Variants in PRR5L observed in about 807,000 individuals in gnomAD.
PRR5L encodes the protein proline rich 5 like, also known as proline-rich protein 5-like.
Under a neutral mutation model 36.4 loss-of-function variants are expected in PRR5L, and 21 were observed. The observed-to-expected ratio is 0.58, with a 90% confidence interval of 0.41 to 0.83. PRR5L has a LOEUF of 0.83. Among genes scored for constraint, PRR5L ranks in the 40% least tolerant of loss-of-function variants. The pLI is 0.00. For synonymous variants in PRR5L, 188 were observed against 197.0 expected (o/e 0.95, Z 0.38); for missense variants, 381 against 473.3 (o/e 0.80, Z 1.81).
intron 1 of PRR5L, among the ~76,000 whole-genome samples, chr11:36,383,748 T>C (rs1472678006): frequency 2.8e-5 from 4 of 145,090 alleles, no homozygotes; most frequent in African/African-American, 7.7e-5. Context: ...CAGGCTGGAG[T>C]GCAATGGTGT....
chr11:36,356,322 A>G (rs1857027421), intron 1 of PRR5L, among the ~76,000 whole-genome samples: 1 of 152,284 alleles, frequency 6.6e-6, no homozygotes, highest in South Asian at 2.1e-4. Context: ...AGTAAAAGCC[A>G]TTTGATTTAG....
At chr11:36,351,429 ATTTATATATAC>A (rs1856949363) in intron 1 of PRR5L, among the ~76,000 whole-genome samples, 1 of 63,956 alleles carries the variant, frequency 1.6e-5, no homozygotes, top group South Asian at 5.6e-4. Flanking sequence ...ATATTTATAT[ATTTATATATAC>A]ATATATATTT....
At chr11:36,318,358 A>G (rs927990895) in intron 1 of PRR5L, among the ~76,000 whole-genome samples, 2 of 152,150 alleles carry the variant, frequency 1.3e-5, no homozygotes, top group African/African-American at 4.8e-5. Context: ...ATTTGGTACT[A>G]TTTACACCAT....
chr11:36,421,517 C>A lies in PRR5L; in HGVS notation c.294+2214C>A, dbSNP rs557879601. Among the ~76,000 whole-genome samples, 5 of 152,218 alleles carry A rather than the reference C, an allele frequency of 3.3e-5. No individual in the cohort carries two copies. The South Asian group carries it at 1.0e-3, about 32-fold the overall frequency. On this transcript the variant is annotated intron_variant, in intron 4 of 8. Transcript: ENST00000530639. ...TTAAGGTGCTGATCTGGAAAGAAGG[C>A]TCTCCTAGATACAGTTTTGTTTTTT...
chr11:36,457,810 G>T (rs2133635726), intron 8 of PRR5L, among the ~76,000 whole-genome samples: 1 of 152,244 alleles, frequency 6.6e-6, no homozygotes, highest in South Asian at 2.1e-4. Context: ...CTGCTAGACT[G>T]GTTGTAGGGT....
intron 1 of PRR5L, among the ~76,000 whole-genome samples, chr11:36,305,740 G>C (rs753116027): frequency 1.1e-4 from 16 of 152,160 alleles, no homozygotes; most frequent in Admixed American, 2.6e-4. Context: ...CTATAAACCA[G>C]AAAGTGGGCC....
chr11:36,415,746 T>TA (rs143153584), intron 3 of PRR5L, among the ~76,000 whole-genome samples: 2,636 of 152,196 alleles, frequency 0.017, 64 homozygotes, highest in African/African-American at 0.059. Flanking sequence ...TCTGTCTCAA[T>TA]AAAAAACAGT....
intron 5 of PRR5L, among the ~76,000 whole-genome samples, chr11:36,434,238 C>G (rs1858560336): frequency 6.6e-6 from 1 of 152,290 alleles, no homozygotes; most frequent in African/African-American, 2.4e-5. Flanking sequence ...GTGTTGGGGC[C>G]TGTTCTGTAC....
intron 8 of PRR5L, among the ~76,000 whole-genome samples, chr11:36,460,540 C>T (rs1564956534): frequency 6.6e-6 from 1 of 152,208 alleles, no homozygotes; most frequent in Non-Finnish European, 1.5e-5. Context: ...CTGTCATCAC[C>T]ACAACTCCAC....
intron 3 of PRR5L, among the ~76,000 whole-genome samples, chr11:36,418,812 T>G (rs1215983545): frequency 1.3e-5 from 2 of 151,952 alleles, no homozygotes; most frequent in Non-Finnish European, 2.9e-5. Context: ...ATAATAATAA[T>G]AAATAATTAC....
At chr11:36,397,724 C>T (rs552412558) in intron 1 of PRR5L, among the ~76,000 whole-genome samples, 26 of 151,356 alleles carry the variant, frequency 1.7e-4, no homozygotes, top group African/African-American at 2.7e-4. Flanking sequence ...GGATTACAGA[C>T]GTGAGTGACT....
chr11:36,358,374 C>CA (rs1355291057), intron 1 of PRR5L, among the ~76,000 whole-genome samples: 10 of 152,166 alleles, frequency 6.6e-5, no homozygotes, highest in African/African-American at 2.2e-4. Flanking sequence ...CCACCCTGAC[C>CA]AGTCAGTCAG....
chr11:36,399,622 A>G (rs1313579039), intron 1 of PRR5L, among the ~76,000 whole-genome samples: 1 of 152,224 alleles, frequency 6.6e-6, no homozygotes, highest in East Asian at 1.9e-4. Context: ...GGGACATAGC[A>G]GAGTTAGCTG....
At chr11:36,304,656 G>A (rs1039900159) in intron 1 of PRR5L, among the ~76,000 whole-genome samples, 6 of 152,134 alleles carry the variant, frequency 3.9e-5, no homozygotes, top group Non-Finnish European at 8.8e-5. Flanking sequence ...GTGTTGCAGC[G>A]AACTTCCTTC....
chr11:36,329,581 GT>G, intron 1 of PRR5L, among the ~76,000 whole-genome samples: 1 of 152,200 alleles, frequency 6.6e-6, no homozygotes, highest in African/African-American at 2.4e-5. Context: ...GATTACCCTT[GT>G]TTATAAATAA....
At chr11:36,346,603 G>A (rs2433192) in intron 1 of PRR5L, among the ~76,000 whole-genome samples, 93,149 of 151,776 alleles carry the variant, frequency 0.61, 30,152 homozygotes, top group East Asian at 0.88. Context: ...AAAAAGAAAT[G>A]GGTGTTTTAT....
intron 1 of PRR5L, among the ~76,000 whole-genome samples, chr11:36,351,044 A>AG (rs1856934013): frequency 4.0e-5 from 2 of 50,508 alleles, no homozygotes; most frequent in Non-Finnish European, 7.0e-5. Context: ...TTTTTAATAT[A>AG]TTTTATATGT....
chr11:36,445,294 C>G (rs1858805436), intron 6 of PRR5L, among the ~76,000 whole-genome samples: 1 of 152,150 alleles, frequency 6.6e-6, no homozygotes, highest in Non-Finnish European at 1.5e-5. Context: ...TGTATGTGTG[C>G]AAAGGAGAGT....
rs34024197 is a variant in PRR5L at position 36,397,443 on chromosome 11, C to CTTTTTTT, written c.-125-3530_-125-3524dup. ...TTCATGTCAGCCAGGCAGCCGATGC[C>CTTTTTTT]TTTTTTTTTTTTTTTTTTTTTTTTT... On this transcript the variant is annotated intron_variant, in intron 1 of 8. Transcript: ENST00000530639. Among the ~76,000 whole-genome samples, 9 of 35,110 alleles carry CTTTTTTT rather than the reference C, an allele frequency of 2.6e-4. 1 individual carries two copies. Among genetic ancestry groups the CTTTTTTT allele is most frequent in the African/African-American group, 4.5e-4 (4 of 8,800 alleles). The allele number at this position is 35,110 out of a possible 152,430, so 23.0% of individuals were successfully genotyped here.
Sources: gnomAD v4.1 joint callset for allele counts (sites outside exome capture counted in the v4.1 genomes callset) on GRCh38, gnomAD v4.1.1 for gene constraint, MANE v1.5 for transcripts, NCBI Gene and HGNC (gene_info 2026-07-23, HGNC 2026-07-21) for gene names.